RBMS1: variants seen among roughly 807,000 people sequenced by gnomAD.
RBMS1 encodes RNA binding motif single stranded interacting protein 1, also known as RNA-binding motif, single-stranded-interacting protein 1.
A neutral mutation model predicts 62.3 loss-of-function variants in RBMS1; 17 were observed. The ratio of observed to expected loss-of-function variants is 0.27; its 90% CI spans 0.19 to 0.41. RBMS1 has a LOEUF of 0.41. Ranked by LOEUF, RBMS1 falls within the 10% of genes least tolerant of loss-of-function variation. The pLI, the probability that RBMS1 is intolerant of heterozygous loss-of-function variation, is 1.00. For missense variants in RBMS1, 334 were observed against 504.5 expected (o/e 0.66, Z 3.24); for synonymous variants, 172 against 170.0 (o/e 1.01, Z -0.09).
chr2:160,400,208 C>A (rs1057086248), intron 1 of RBMS1, among the ~76,000 whole-genome samples: 7 of 152,138 alleles, frequency 4.6e-5, no homozygotes, highest in Admixed American at 2.6e-4. Context: ...CCTTACTCTT[C>A]CATTATACAT....
intron 6 of RBMS1, among the ~76,000 whole-genome samples, chr2:160,295,635 CT>C (rs778267527): frequency 2.0e-5 from 3 of 152,206 alleles, no homozygotes; most frequent in Non-Finnish European, 4.4e-5. Context: ...GTTTGGAAAT[CT>C]AGGGCTTTTA....
rs1024867599 is a variant in RBMS1 at position 160,488,639 on chromosome 2, C to T, written c.75+4650G>A. Among the ~76,000 whole-genome samples, 10 of 152,122 alleles carry T rather than the reference C, an allele frequency of 6.6e-5. 1 individual carries two copies. Among genetic ancestry groups the T allele is most frequent in the Non-Finnish European group, 1.5e-4 (10 of 68,002 alleles). Reference sequence around the variant, plus strand: ...TTAAATTCATCCCACATAAAATCCCCAAGCCGATGTTCAACTTTTGAATAT... The same window carrying T: ...TTAAATTCATCCCACATAAAATCCCTAAGCCGATGTTCAACTTTTGAATAT... On this transcript the variant is annotated intron_variant, in intron 1 of 13. Coordinates refer to ENST00000348849, the MANE Select transcript of RBMS1 (RefSeq NM_016836.4).
intron 1 of RBMS1, among the ~76,000 whole-genome samples, chr2:160,373,178 C>T (rs746217163): frequency 4.6e-5 from 7 of 152,032 alleles, no homozygotes; most frequent in Non-Finnish European, 8.8e-5. Context: ...CCCATGTTAC[C>T]TTCACTATTC....
intron 1 of RBMS1, among the ~76,000 whole-genome samples, chr2:160,394,152 AT>A (rs1008373939): frequency 6.6e-6 from 1 of 151,690 alleles, no homozygotes; most frequent in Non-Finnish European, 1.5e-5. Flanking sequence ...CTTAATATAG[AT>A]TTTTTTTTAG....
At chr2:160,315,711 CA>C (rs1220315385) in intron 3 of RBMS1, among the ~76,000 whole-genome samples, 2 of 152,292 alleles carry the variant, frequency 1.3e-5, no homozygotes, top group Non-Finnish European at 2.9e-5. Flanking sequence ...ATGAATCAAT[CA>C]ATTTCATAAC....
chr2:160,411,032 G>A (rs1177234970), intron 1 of RBMS1, among the ~76,000 whole-genome samples: 1 of 152,178 alleles, frequency 6.6e-6, no homozygotes, highest in East Asian at 1.9e-4. Flanking sequence ...CTGAGCCACC[G>A]CACCTCACCA....
At chr2:160,480,176 A>T (rs772469435) in intron 1 of RBMS1, among the ~76,000 whole-genome samples, 1 of 152,196 alleles carries the variant, frequency 6.6e-6, no homozygotes, top group Admixed American at 6.5e-5. Context: ...ACTAATTTTC[A>T]ATTTATTATT....
chr2:160,450,574 A>AC (rs1453227527), intron 1 of RBMS1, among the ~76,000 whole-genome samples: 13 of 150,116 alleles, frequency 8.7e-5, no homozygotes, highest in East Asian at 1.9e-4. Flanking sequence ...GAAAAAAAAA[A>AC]AAAAACAAAA....
At chr2:160,337,136 T>C (rs1293823931) in intron 2 of RBMS1, among the ~76,000 whole-genome samples, 5 of 84,136 alleles carry the variant, frequency 5.9e-5, no homozygotes, top group Non-Finnish European at 1.3e-4. Flanking sequence ...TTTTCTTTTC[T>C]TTTTTTTTTT....
At chr2:160,344,212 C>T (rs1004037325) in intron 2 of RBMS1, among the ~76,000 whole-genome samples, 2 of 152,066 alleles carry the variant, frequency 1.3e-5, no homozygotes, top group Non-Finnish European at 2.9e-5. Context: ...ACTAACGATG[C>T]CACATAGTCC....
chr2:160,493,457 C>A lies in RBMS1; in HGVS notation c.-94G>T. On this transcript the variant is annotated 5_prime_UTR_variant, in exon 1 of 14. Transcript: ENST00000348849. ...GCCTCTCCCTTTCCGGCGGCGGCGGCAGCGGCGGCGGCGGCGGCGGCTGCT... is the reference window on the plus strand; with the variant it reads ...GCCTCTCCCTTTCCGGCGGCGGCGGAAGCGGCGGCGGCGGCGGCGGCTGCT... The A allele has an allele frequency of 7.9e-7, 1 of 1,263,740 alleles. No individual in the cohort carries two copies. Among genetic ancestry groups the A allele is most frequent in the Non-Finnish European group, 1.1e-6 (1 of 883,596 alleles). The allele number at this position is 1,263,740 out of a possible 1,614,324, so 78.3% of individuals were successfully genotyped here.
At chr2:160,340,360 G>C (rs1211030088) in intron 2 of RBMS1, among the ~76,000 whole-genome samples, 3 of 152,064 alleles carry the variant, frequency 2.0e-5, no homozygotes, top group Non-Finnish European at 4.4e-5. Flanking sequence ...TGAGACTCTG[G>C]AAGACTTTAG....
intron 1 of RBMS1, 136 bp downstream of exon 1, chr2:160,493,153 C>A (rs1035405838): frequency 1.2e-6 from 1 of 855,356 alleles, no homozygotes; most frequent in East Asian, 2.7e-5. Context: ...CAGGCCAGCG[C>A]TATAGTTAGC....
At chr2:160,491,187 G>A (rs188253179) in intron 1 of RBMS1, among the ~76,000 whole-genome samples, 16 of 152,072 alleles carry the variant, frequency 1.1e-4, no homozygotes, top group Admixed American at 1.0e-3. Context: ...TTTAGAAGAT[G>A]TCCCCTTCTG....
intron 7 of RBMS1, among the ~76,000 whole-genome samples, chr2:160,286,146 A>T: frequency 6.6e-6 from 1 of 151,726 alleles, no homozygotes; most frequent in East Asian, 1.9e-4. Context: ...AAAAATTTTT[A>T]AAAATTAGCC....
At chr2:160,326,283 C>G (rs1324487269) in intron 2 of RBMS1, among the ~76,000 whole-genome samples, 1 of 152,098 alleles carries the variant, frequency 6.6e-6, no homozygotes, top group Non-Finnish European at 1.5e-5. Context: ...AAAAATACAG[C>G]AGATGCCACA....
chr2:160,480,702 G>A lies in RBMS1; in HGVS notation c.75+12587C>T, dbSNP rs1685328721. Among the ~76,000 whole-genome samples the A allele has an allele frequency of 2.0e-5, 3 of 152,086 alleles. No individual in the cohort carries two copies. The South Asian group carries it at 6.2e-4, about 32-fold the overall frequency. On this transcript the variant is annotated intron_variant, in intron 1 of 13. Coordinates refer to ENST00000348849, the MANE Select transcript of RBMS1 (RefSeq NM_016836.4). ...GATTTATTTTTATGGAAATTGACAA[G>A]CCGATGCTAAAATTTATAAGGAAAT...
Position 160,275,201 on chromosome 2 carries a change from T to C in RBMS1, c.*7+429A>G, listed in dbSNP as rs894939630. Among the ~76,000 whole-genome samples the C allele has an allele frequency of 4.6e-5, 7 of 152,208 alleles. No individual in the cohort carries two copies. The South Asian group carries it at 8.3e-4, about 18-fold the overall frequency. ...GAGTTGGGAATATAATCTTTCAATC[T>C]AAGGATATTGACATTTATCTAAATT... is the stretch of plus-strand genomic sequence containing the variant. On this transcript the variant is annotated intron_variant, in intron 13 of 13. Transcript: ENST00000348849.
chr2:160,280,817 TA>T, intron 10 of RBMS1, among the ~76,000 whole-genome samples: 2 of 152,292 alleles, frequency 1.3e-5, no homozygotes, highest in South Asian at 4.1e-4. Flanking sequence ...TCATTCAATT[TA>T]AAAAAATGTA....
Sources: gnomAD v4.1 joint callset for allele counts (sites outside exome capture counted in the v4.1 genomes callset) on GRCh38, gnomAD v4.1.1 for gene constraint, MANE v1.5 for transcripts, NCBI Gene and HGNC (gene_info 2026-07-23, HGNC 2026-07-21) for gene names.